Variants in GRIK4 observed in about 807,000 individuals in gnomAD.
The protein encoded by GRIK4 is glutamate receptor ionotropic, kainate 4.
Under a neutral mutation model 104.9 loss-of-function variants are expected in GRIK4, and 40 were observed. That is an observed-to-expected ratio of 0.38 (90% CI 0.30 to 0.50). The LOEUF (loss-of-function observed/expected upper bound fraction) is 0.50, where lower values mean the gene tolerates loss of function less well. GRIK4 is among the 20% of genes least tolerant of loss of function. The probability of loss-of-function intolerance (pLI) is 0.93; values close to 1 mark genes in which losing one functional copy is unlikely to be tolerated. For missense variants in GRIK4, 1,047 were observed against 1,308.1 expected, an observed-to-expected ratio of 0.80 and a Z score of 3.08; for synonymous variants, 485 against 524.9, an observed-to-expected ratio of 0.92 and a Z score of 1.04.
chr11:120,850,323 T>C lies in GRIK4; in HGVS notation c.745-11636T>C, dbSNP rs147517807. 8.5e-5 allele frequency among the ~76,000 whole-genome samples: 13 copies of C among 152,270 alleles called. No individual in the cohort carries two copies. The East Asian group carries it at 2.5e-3, about 29-fold the overall frequency. ...TGGGGAGTGTGTGTGTGTGTTTGTGTGATGTGTGTTTCTTGGGGGTCATCT... is the reference window on the plus strand; with the variant it reads ...TGGGGAGTGTGTGTGTGTGTTTGTGCGATGTGTGTTTCTTGGGGGTCATCT... On this transcript the variant is annotated intron_variant, in intron 8 of 20. Transcript: ENST00000527524.
intron 3 of GRIK4, among the ~76,000 whole-genome samples, chr11:120,795,825 G>A (rs895194896): frequency 6.6e-6 from 1 of 152,106 alleles, no homozygotes; most frequent in Non-Finnish European, 1.5e-5. Flanking sequence ...ACCTCCCTCG[G>A]ATACTAAAAT....
At chr11:120,825,446 C>T (rs1290737318) in intron 6 of GRIK4, among the ~76,000 whole-genome samples, 1 of 152,220 alleles carries the variant, frequency 6.6e-6, no homozygotes, top group Non-Finnish European at 1.5e-5. Flanking sequence ...CGAGGAAATG[C>T]TCGGCACACA....
chr11:120,522,936 A>C (rs1269795315), intron 1 of GRIK4, among the ~76,000 whole-genome samples: 1 of 152,076 alleles, frequency 6.6e-6, no homozygotes, highest in Non-Finnish European at 1.5e-5. Context: ...GGAGCAGCAC[A>C]GCTGGCCCCA....
intron 3 of GRIK4, among the ~76,000 whole-genome samples, chr11:120,676,651 T>G (rs1050032701): frequency 3.9e-5 from 6 of 152,120 alleles, no homozygotes; most frequent in African/African-American, 1.4e-4. Context: ...GAGCAAGAAC[T>G]CACTCACTGC....
At chr11:120,852,708 C>T (rs574352471) in intron 8 of GRIK4, among the ~76,000 whole-genome samples, 2 of 152,340 alleles carry the variant, frequency 1.3e-5, no homozygotes, top group East Asian at 3.9e-4. Context: ...ACAGAGAGCA[C>T]AGGCTTTGAT....
chr11:120,718,193 GC>G (rs1950869530), intron 3 of GRIK4, among the ~76,000 whole-genome samples: 1 of 151,988 alleles, frequency 6.6e-6, no homozygotes, highest in Non-Finnish European at 1.5e-5. Context: ...ACAGGACTCA[GC>G]CCTGGAGTTC....
chr11:120,588,802 G>C (rs559863354), intron 1 of GRIK4, among the ~76,000 whole-genome samples: 2 of 152,138 alleles, frequency 1.3e-5, no homozygotes, highest in Non-Finnish European at 2.9e-5. Flanking sequence ...AGCACGCCCT[G>C]TAGCCCCCAA....
At chr11:120,741,508 G>C (rs907254576) in intron 3 of GRIK4, among the ~76,000 whole-genome samples, 9 of 151,982 alleles carry the variant, frequency 5.9e-5, no homozygotes, top group Non-Finnish European at 1.0e-4. Flanking sequence ...TAGATCTCTT[G>C]ACCTCGTGAT....
chr11:120,929,404 C>G (rs1276475258), intron 13 of GRIK4, among the ~76,000 whole-genome samples: 1 of 152,038 alleles, frequency 6.6e-6, no homozygotes, highest in Non-Finnish European at 1.5e-5. Flanking sequence ...CCCTGCAGCT[C>G]GGTGACCCCA....
intron 3 of GRIK4, among the ~76,000 whole-genome samples, chr11:120,667,967 C>T (rs1381298205): frequency 6.6e-6 from 1 of 152,164 alleles, no homozygotes; most frequent in East Asian, 1.9e-4. Flanking sequence ...TCTGTAGTCC[C>T]AGCTACTTGG....
intron 1 of GRIK4, among the ~76,000 whole-genome samples, chr11:120,525,741 G>A (rs767594087): frequency 1.3e-5 from 2 of 152,116 alleles, no homozygotes; most frequent in Non-Finnish European, 2.9e-5. Context: ...GGGGAGGAGC[G>A]GCCTTAACTG....
chr11:120,874,313 T>A, intron 10 of GRIK4, 95 bp downstream of exon 10: 1 of 956,716 alleles, frequency 1.0e-6, no homozygotes, highest in Admixed American at 2.3e-5. Flanking sequence ...CCAGGCTTGC[T>A]CGAAATGTGT....
intron 3 of GRIK4, among the ~76,000 whole-genome samples, chr11:120,661,319 C>T (rs1161398752): frequency 6.6e-6 from 1 of 152,138 alleles, no homozygotes; most frequent in African/African-American, 2.4e-5. Flanking sequence ...TTGATGGCCA[C>T]AAGACGACCC....
At chr11:120,964,766 TC>T (rs563813517) in intron 18 of GRIK4, among the ~76,000 whole-genome samples, 343 of 152,098 alleles carry the variant, frequency 2.3e-3, no homozygotes, top group Non-Finnish European at 3.4e-3. Flanking sequence ...CACTTAATAG[TC>T]CCCCCTGCAA....
At chr11:120,591,477 C>T (rs937852095) in intron 1 of GRIK4, among the ~76,000 whole-genome samples, 3 of 152,142 alleles carry the variant, frequency 2.0e-5, no homozygotes, top group Non-Finnish European at 4.4e-5. Context: ...CTCTTGGTGT[C>T]TTCCCACTAG....
chr11:120,698,473 T>A (rs1330252245), intron 3 of GRIK4, among the ~76,000 whole-genome samples: 1 of 152,250 alleles, frequency 6.6e-6, no homozygotes, highest in East Asian at 1.9e-4. Flanking sequence ...GAACTATGGC[T>A]GCCCCTTGAG....
At chr11:120,847,464 A>G (rs907499453) in intron 8 of GRIK4, among the ~76,000 whole-genome samples, 1 of 152,228 alleles carries the variant, frequency 6.6e-6, no homozygotes, top group Non-Finnish European at 1.5e-5. Flanking sequence ...CTAGCCTGGC[A>G]GGTTCATCAA....
chr11:120,654,506 G>A (rs1049422354), intron 2 of GRIK4, among the ~76,000 whole-genome samples: 3 of 152,040 alleles, frequency 2.0e-5, no homozygotes, highest in African/African-American at 7.2e-5. Flanking sequence ...GGGATTATAG[G>A]TGCCTGCCAT....
At position 120,795,775 on chromosome 11, in the gene GRIK4, T is replaced by TAAAAAA. The variant is rs1377702396; in HGVS notation, c.83-6917_83-6916insAAAAAA. Among the ~76,000 whole-genome samples, 6 of 152,276 alleles carry TAAAAAA rather than the reference T, an allele frequency of 3.9e-5. No individual in the cohort carries two copies. In the East Asian group the frequency reaches 1.2e-3, roughly 29 times the overall value. On this transcript the variant is annotated intron_variant, in intron 3 of 20. Transcript: ENST00000527524. ...AGGGATTACTCTGGGTTTTTTTAAG[T>TAAAAAA]ACAGCCATCTCTCAGTATCCACTGG...
Sources: gnomAD v4.1 joint callset for allele counts (sites outside exome capture counted in the v4.1 genomes callset) on GRCh38, gnomAD v4.1.1 for gene constraint, MANE v1.5 for transcripts, NCBI Gene and HGNC (gene_info 2026-07-23, HGNC 2026-07-21) for gene names.